The following MPPED1 variants were observed in gnomAD, a reference collection of about 807,000 sequenced individuals.
MPPED1 encodes the protein metallophosphoesterase domain containing 1, also known as metallophosphoesterase domain-containing protein 1.
MPPED1 carries 16 observed loss-of-function variants against 36.2 expected under a neutral mutation model. The ratio of observed to expected loss-of-function variants is 0.44; its 90% CI spans 0.30 to 0.67. The LOEUF (loss-of-function observed/expected upper bound fraction) is 0.67. Ranked by LOEUF, MPPED1 falls within the 30% of genes least tolerant of loss-of-function variation. The pLI is 0.10. For missense variants in MPPED1, 307 were observed against 453.4 expected, an observed-to-expected ratio of 0.68 and a Z score of 2.93; for synonymous variants, 199 against 191.3, an observed-to-expected ratio of 1.04 and a Z score of -0.33.
chr22:43,452,898 T>G (rs1930621363), intron 3 of MPPED1, among the ~76,000 whole-genome samples: 1 of 151,898 alleles, frequency 6.6e-6, no homozygotes, highest in African/African-American at 2.4e-5. Flanking sequence ...AGTGCCAAGA[T>G]TAAGGGTGTG....
At chr22:43,498,466 C>A in intron 5 of MPPED1, 116 bp downstream of exon 5, 1 of 703,372 alleles carries the variant, frequency 1.4e-6, no homozygotes, top group East Asian at 2.9e-5. Flanking sequence ...CTGAGTCCCA[C>A]TTGCTGGGGC....
chr22:43,460,295 C>CA (rs60820577), intron 3 of MPPED1, among the ~76,000 whole-genome samples: 30,903 of 88,670 alleles, frequency 0.35, 6,512 homozygotes, highest in East Asian at 0.61. Context: ...CAAAACAAAA[C>CA]AAAAAAAACT....
chr22:43,451,679 A>C (rs1930572150), intron 3 of MPPED1, among the ~76,000 whole-genome samples: 1 of 152,216 alleles, frequency 6.6e-6, no homozygotes, highest in Non-Finnish European at 1.5e-5. Context: ...TGTTTGAAAG[A>C]AGTTTTTTGC....
Position 43,485,904 on chromosome 22 carries a change from G to A in MPPED1, c.632+10943G>A, listed in dbSNP as rs1931899643. Among the ~76,000 whole-genome samples, 3 of 152,242 alleles carry A rather than the reference G, an allele frequency of 2.0e-5. 1 individual carries two copies. In the South Asian group the frequency reaches 6.2e-4, roughly 32 times the overall value. On this transcript the variant is annotated intron_variant, in intron 4 of 6. Transcript: ENST00000443721. Reference sequence around the variant, plus strand: ...TGTGATTGACGGGCTTTGGGGACGCGTTGCCAGCTCCGCACTGCCCTGTCC... The same window carrying A: ...TGTGATTGACGGGCTTTGGGGACGCATTGCCAGCTCCGCACTGCCCTGTCC...
rs1234228311 is a variant in MPPED1 at position 43,444,279 on chromosome 22, G to GGGGTGTGT, written c.406+9065_406+9066insGGTGTGTG. On this transcript the variant is annotated intron_variant, in intron 3 of 6. Transcript: ENST00000443721. ...TTGGAAATGAAATGAGACCCACTGGGGTGTGTGTGTGTGTGTGTGTGTGTG... is the reference window on the plus strand; with the variant it reads ...TTGGAAATGAAATGAGACCCACTGGGGGGTGTGTGTGTGTGTGTGTGTGTGTGTGTGTG... Among the ~76,000 whole-genome samples, 500 of 142,000 alleles carry GGGGTGTGT rather than the reference G, an allele frequency of 3.5e-3. 6 individuals are homozygous for GGGGTGTGT. Among genetic ancestry groups the GGGGTGTGT allele is most frequent in the African/African-American group, 0.011 (398 of 37,352 alleles). 93.2% of individuals were successfully genotyped at this position (142,000 alleles called of 152,430 possible).
chr22:43,424,219 G>A (rs1025055444), intron 1 of MPPED1, among the ~76,000 whole-genome samples: 2 of 152,166 alleles, frequency 1.3e-5, no homozygotes, highest in Non-Finnish European at 2.9e-5. Context: ...GTGAGGCATC[G>A]GAGGAGGTTT....
At chr22:43,495,000 C>T (rs1353113964) in intron 4 of MPPED1, among the ~76,000 whole-genome samples, 1 of 152,186 alleles carries the variant, frequency 6.6e-6, no homozygotes, top group Non-Finnish European at 1.5e-5. Flanking sequence ...ATGACCTCAT[C>T]ACCTCCCAGA....
At chr22:43,483,963 C>T (rs1931830675) in intron 4 of MPPED1, among the ~76,000 whole-genome samples, 1 of 152,230 alleles carries the variant, frequency 6.6e-6, no homozygotes, top group African/African-American at 2.4e-5. Context: ...TCCTGAAGCC[C>T]TCTGGGGCCC....
intron 4 of MPPED1, among the ~76,000 whole-genome samples, chr22:43,497,003 G>A (rs1426763031): frequency 1.4e-5 from 2 of 141,510 alleles, no homozygotes; most frequent in East Asian, 2.1e-4. Context: ...GGAGGTGGTG[G>A]TGGTGGAGGT....
At chr22:43,478,592 T>C (rs1931647791) in intron 4 of MPPED1, among the ~76,000 whole-genome samples, 1 of 148,744 alleles carries the variant, frequency 6.7e-6, no homozygotes, top group South Asian at 2.3e-4. Flanking sequence ...GGGAACAGCC[T>C]GGGCAAAGGC....
At chr22:43,448,596 T>TAA (rs1930447689) in intron 3 of MPPED1, among the ~76,000 whole-genome samples, 1 of 150,916 alleles carries the variant, frequency 6.6e-6, no homozygotes, top group Non-Finnish European at 1.5e-5. Flanking sequence ...ATTTATTTAT[T>TAA]TATTTATTTA....
chr22:43,463,813 T>TTCTTTCTTTTTTTTTTTCTTTCTTTC (rs1931046513), intron 3 of MPPED1, among the ~76,000 whole-genome samples: 1 of 44,894 alleles, frequency 2.2e-5, no homozygotes, highest in Non-Finnish European at 4.7e-5. Flanking sequence ...TTTCTTTTCT[T>TTCTTTCTTTTTTTTTTTCTTTCTTTC]TCTTTCTTTC....
chr22:43,459,862 G>T (rs1283573616), intron 3 of MPPED1, among the ~76,000 whole-genome samples: 1 of 151,958 alleles, frequency 6.6e-6, no homozygotes. Flanking sequence ...TCTTTCCCTT[G>T]TCTAAGGAGC....
chr22:43,502,589 A>T lies in MPPED1; in HGVS notation c.749-55A>T, dbSNP rs1158606492. 1.4e-6 allele frequency: 2 copies of T among 1,396,302 alleles called. No individual in the cohort carries two copies. The highest frequency in any genetic ancestry group is 2.0e-6 in the Non-Finnish European group (2 of 986,016). 86.5% of individuals were successfully genotyped at this position (1,396,302 alleles called of 1,614,324 possible). The stretch of plus-strand genomic sequence containing the variant: ...CAGAAGCTGCTGCTAGGCGTGGGGC[A>T]GTGAGGGGCTGGGACAGACCGCGTC... On this transcript the variant is annotated intron_variant, in intron 5 of 6. Coordinates refer to ENST00000443721, the MANE Select transcript of MPPED1 (RefSeq NM_001044370.2). This position sits in a 1 kb window ranked among gnomAD's most constrained non-coding sequence, Gnocchi z 5.5.
intron 4 of MPPED1, among the ~76,000 whole-genome samples, chr22:43,479,947 C>T (rs377020093): frequency 1.3e-5 from 2 of 152,100 alleles, no homozygotes; most frequent in African/African-American, 2.4e-5. Context: ...ACTGCGGCCT[C>T]GACTGCCTGG....
In MPPED1 at chr22:43,502,294, C is replaced by T. The variant is rs950225098; in HGVS notation, c.749-350C>T. On this transcript the variant is annotated intron_variant, in intron 5 of 6. Coordinates refer to ENST00000443721, the MANE Select transcript of MPPED1 (RefSeq NM_001044370.2). The surrounding 1 kb of genome is among the most constrained non-coding windows in gnomAD (Gnocchi z 5.5). ...TCTGGCCTCCGTTTGCTGATCTCTGCGGTGGGCGGATGCCACCCTTGAGGC... is the reference window on the plus strand; with the variant it reads ...TCTGGCCTCCGTTTGCTGATCTCTGTGGTGGGCGGATGCCACCCTTGAGGC... Among the ~76,000 whole-genome samples, 7 of 152,170 alleles carry T rather than the reference C, an allele frequency of 4.6e-5. No individual in the cohort carries two copies. The highest frequency in any genetic ancestry group is 2.0e-4 in the Admixed American group (3 of 15,282).
chr22:43,458,608 T>C (rs1930838475), intron 3 of MPPED1, among the ~76,000 whole-genome samples: 1 of 152,158 alleles, frequency 6.6e-6, no homozygotes, highest in Non-Finnish European at 1.5e-5. Flanking sequence ...TATTTACCTG[T>C]GTAGCTACCT....
intron 4 of MPPED1, among the ~76,000 whole-genome samples, chr22:43,479,801 A>G (rs934660281): frequency 1.3e-5 from 2 of 152,266 alleles, no homozygotes; most frequent in African/African-American, 2.4e-5. Context: ...ACATATGGTT[A>G]TAGCAACTGG....
At position 43,502,547 on chromosome 22, in the gene MPPED1, A is replaced by G; in HGVS notation, c.749-97A>G. On this transcript the variant is annotated intron_variant, in intron 5 of 6. Transcript: ENST00000443721. The surrounding 1 kb of genome is among the most constrained non-coding windows in gnomAD (Gnocchi z 5.5). Reference sequence around the variant, plus strand: ...TGCAAAGCCGGAGTCCGGAAGCCCCATGCCTTCTCCAGGCTGCAGAAGCTG... The same window carrying G: ...TGCAAAGCCGGAGTCCGGAAGCCCCGTGCCTTCTCCAGGCTGCAGAAGCTG... 1.1e-6 allele frequency: 1 copy of G among 940,292 alleles called. No homozygotes were observed. Among genetic ancestry groups the G allele is most frequent in the Non-Finnish European group, 1.7e-6 (1 of 591,518 alleles). The allele number at this position is 940,292 out of a possible 1,614,324, so 58.2% of individuals were successfully genotyped here.
Sources: allele counts gnomAD v4.1 joint callset (sites outside exome capture counted in the v4.1 genomes callset), GRCh38; gene constraint gnomAD v4.1.1; non-coding constraint Gnocchi (gnomAD v3.1); transcripts MANE v1.5; gene names NCBI Gene and HGNC (gene_info 2026-07-23, HGNC 2026-07-21).